NPEPL1: variants seen among roughly 807,000 people sequenced by gnomAD.
The protein encoded by NPEPL1 is probable aminopeptidase NPEPL1.
In NPEPL1, 45 loss-of-function variants were observed where a neutral mutation model predicts 52.4. The ratio of observed to expected loss-of-function variants is 0.86; its 90% CI spans 0.68 to 1.10. NPEPL1 has a LOEUF of 1.10. Ranked by LOEUF, NPEPL1 falls within the 50% of genes least tolerant of loss-of-function variation. NPEPL1 has a pLI of 0.00. For missense variants in NPEPL1, 696 were observed against 710.9 expected, an observed-to-expected ratio of 0.98 and a Z score of 0.24; for synonymous variants, 360 against 314.7, an observed-to-expected ratio of 1.14 and a Z score of -1.52.
intron 6 of NPEPL1, among the ~76,000 whole-genome samples, chr20:58,702,954 G>C (rs548049282): frequency 6.6e-6 from 1 of 152,232 alleles, no homozygotes; most frequent in Non-Finnish European, 1.5e-5. Context: ...TTTGGACACA[G>C]TAACTCCAAG....
chr20:58,694,541 G>C lies in NPEPL1; in HGVS notation c.456G>C (p.Glu152Asp), dbSNP rs771828258. 6.2e-7 allele frequency: 1 copy of C among 1,614,006 alleles called. No individual in the cohort carries two copies. Among genetic ancestry groups the C allele is most frequent in the Non-Finnish European group, 8.5e-7 (1 of 1,179,880 alleles). Reference sequence around the variant, plus strand: ...TGGAGAAGAAGACGGTCACCGTGGAGTTTTTCCTGGTGGGACAAGACAACG... The same window carrying C: ...TGGAGAAGAAGACGGTCACCGTGGACTTTTTCCTGGTGGGACAAGACAACG... ...RRLEKKTVTV[E>D]FFLVGQDNGP... The change falls in exon 3 of 12, where the codon GAG becomes GAC. Residue 152 changes from glutamate (E) to aspartate (D), a missense_variant. Glu to Asp is a conservative substitution (Grantham distance 45, BLOSUM62 2). Transcript: ENST00000356091.
At position 58,693,005 on chromosome 20, in the gene NPEPL1, C is replaced by T; in HGVS notation, c.105C>T (p.Pro35=). ...AGCTGCACCACCTGCACCGCGTGCCCTGGAGCCACGTCCGCGGGAAGCTGC... is the reference window on the plus strand; with the variant it reads ...AGCTGCACCACCTGCACCGCGTGCCTTGGAGCCACGTCCGCGGGAAGCTGC... ...LGQLHHLHRV[P]WSHVRGKLQP... Residue 35 remains proline, a synonymous_variant, in exon 1 of 12, where the codon CCC becomes CCT. Coordinates refer to ENST00000356091, the MANE Select transcript of NPEPL1 (RefSeq NM_024663.4). The T allele has an allele frequency of 8.8e-7, 1 of 1,132,234 alleles. No homozygotes were observed. The highest frequency in any genetic ancestry group is 2.6e-5 in the South Asian group (1 of 38,770). The allele number at this position is 1,132,234 out of a possible 1,614,324, so 70.1% of individuals were successfully genotyped here. A position where few individuals can be genotyped will look rare whatever the true frequency, so the allele number is the denominator to read the frequency against.
intron 3 of NPEPL1, among the ~76,000 whole-genome samples, chr20:58,695,679 T>C (rs1358660824): frequency 6.6e-6 from 1 of 152,240 alleles, no homozygotes; most frequent in African/African-American, 2.4e-5. Flanking sequence ...GTGTGCTCTC[T>C]GAGGCCTGTA....
chr20:58,713,462 G>T lies in NPEPL1; in HGVS notation c.1044G>T (p.Val348=). The T allele has an allele frequency of 6.2e-7, 1 of 1,610,948 alleles. No individual in the cohort carries two copies. The change falls in exon 9 of 12, where the codon GTG becomes GTT. Residue 348 remains valine, a synonymous_variant. Transcript: ENST00000356091. The surrounding 1 kb of genome is among the most constrained non-coding windows in gnomAD (Gnocchi z 4.6). ...ACACGGATGCCGAGGGCAGGCTGGT[G>T]CTGGCAGATGGCGTGTCCTATGCTT... The part of the protein sequence containing the change: ...INNTDAEGRL[V]LADGVSYACK...
rs1222448815 is a variant in NPEPL1, at chr20:58,710,450, C to T, written c.901-2029C>T. Among the ~76,000 whole-genome samples the T allele has an allele frequency of 2.6e-5, 4 of 151,918 alleles. No homozygotes were observed. In the South Asian group the frequency reaches 8.3e-4, roughly 31 times the overall value. ...AAGATGGAAGGGTACGCCAGGAGCT[C>T]GGTGGCCCTGGGCTCTGGGGGTGTT... On this transcript the variant is annotated intron_variant, in intron 7 of 11. Coordinates refer to ENST00000356091, the MANE Select transcript of NPEPL1 (RefSeq NM_024663.4).
intron 6 of NPEPL1, chr20:58,705,499 G>A (rs2084718872): frequency 2.2e-6 from 1 of 456,280 alleles, no homozygotes; most frequent in Non-Finnish European, 4.4e-6. Context: ...TTTTCCCAGA[G>A]GGCACGGAAA....
chr20:58,695,068 G>A (rs796845457), intron 3 of NPEPL1, among the ~76,000 whole-genome samples: 527 of 4,644 alleles, frequency 0.11, no homozygotes, highest in South Asian at 0.14. Context: ...GTGTGCATGA[G>A]TGGTGTGTGT....
chr20:58,711,153 A>G (rs2123145305), intron 7 of NPEPL1: 1 of 110,422 alleles, frequency 9.1e-6, no homozygotes. Context: ...CCAGCAGGCT[A>G]CAGATCCAGA....
At chr20:58,691,725 C>T (rs6128402), upstream of NPEPL1, 269,137 of 622,016 alleles carry the variant, frequency 0.43, 55,168 homozygotes, top group East Asian at 0.52. Context: ...CATTTTTAGG[C>T]TGGTTATGAA....
intron 7 of NPEPL1, chr20:58,711,327 A>G (rs1036594330): frequency 3.9e-5 from 6 of 152,072 alleles, no homozygotes; most frequent in Non-Finnish European, 5.9e-5. Flanking sequence ...GAATGACCAC[A>G]GGAGGCCTCA....
upstream of NPEPL1, chr20:58,691,543 G>A (rs2084343852): frequency 1.5e-6 from 1 of 653,622 alleles, no homozygotes; most frequent in African/African-American, 1.8e-5. Context: ...AGACAGACCT[G>A]GAGCCTGTGG....
chr20:58,702,383 G>A (rs1184138958), intron 6 of NPEPL1, among the ~76,000 whole-genome samples: 1 of 152,220 alleles, frequency 6.6e-6, no homozygotes, highest in East Asian at 1.9e-4. Flanking sequence ...GTCAGCTGCT[G>A]TTCAGGGTGG....
rs371558708 is a variant in NPEPL1, at chr20:58,710,378, TCA to T, written c.901-2098_901-2097del. ...ATTTTTTTGTAAGTTTGAAATTATT[TCA>T]CAGTGAAATGTTTTGAACTTTTTAG... is the stretch of plus-strand genomic sequence containing the variant. On this transcript the variant is annotated intron_variant, in intron 7 of 11. Coordinates refer to ENST00000356091, the MANE Select transcript of NPEPL1 (RefSeq NM_024663.4). Among the ~76,000 whole-genome samples, 1,256 of 152,272 alleles carry T rather than the reference TCA, an allele frequency of 8.2e-3. 18 individuals are homozygous for T. The highest frequency in any genetic ancestry group is 0.01 in the Non-Finnish European group (698 of 68,020).
intron 4 of NPEPL1, among the ~76,000 whole-genome samples, 153 bp downstream of exon 4, chr20:58,698,926 T>C (rs2084551870): frequency 6.6e-6 from 1 of 152,176 alleles, no homozygotes; most frequent in African/African-American, 2.4e-5. Context: ...TCTGCCGGGC[T>C]CCAGGAAGCC....
chr20:58,700,865 G>A, intron 5 of NPEPL1, 151 bp from the exon 6 acceptor site: 1 of 674,384 alleles, frequency 1.5e-6, no homozygotes, highest in Non-Finnish European at 2.3e-6. Flanking sequence ...TCCCACACTG[G>A]CCAGGGGCAG....
chr20:58,713,179 T>C lies in NPEPL1; in HGVS notation c.1002-241T>C. 2.0e-6 allele frequency: 1 copy of C among 495,160 alleles called. No individual in the cohort carries two copies. The highest frequency in any genetic ancestry group is 3.6e-6 in the Non-Finnish European group (1 of 278,606). The allele number at this position is 495,160 out of a possible 1,614,324, so 30.7% of individuals were successfully genotyped here. On this transcript the variant is annotated intron_variant, in intron 8 of 11. Transcript: ENST00000356091. The surrounding 1 kb of genome is among the most constrained non-coding windows in gnomAD (Gnocchi z 4.6). ...GAAACTGAGGCATGGGAGAGCCAAA[T>C]GGCTGGTCTCTGGCTCTCCAGAGCA... is the stretch of plus-strand genomic sequence containing the variant.
intron 7 of NPEPL1, among the ~76,000 whole-genome samples, chr20:58,709,710 TC>T (rs1429587113): frequency 6.6e-6 from 1 of 152,198 alleles, no homozygotes; most frequent in African/African-American, 2.4e-5. Context: ...ACAGAGCATT[TC>T]TGCAGGATTC....
chr20:58,697,082 CTG>C (rs1369483404), intron 3 of NPEPL1, among the ~76,000 whole-genome samples: 1 of 152,244 alleles, frequency 6.6e-6, no homozygotes, highest in Non-Finnish European at 1.5e-5. Context: ...GGGACTGGGA[CTG>C]TGTACTGTGA....
At chr20:58,690,983 C>T, upstream of NPEPL1, 3 of 641,278 alleles carry the variant, frequency 4.7e-6, no homozygotes, top group South Asian at 5.2e-5. Flanking sequence ...GTTCTAACCA[C>T]ACAGGTTTCA....
Sources: gnomAD v4.1 joint callset for allele counts (sites outside exome capture counted in the v4.1 genomes callset) on GRCh38, gnomAD v4.1.1 for gene constraint, Gnocchi (gnomAD v3.1) non-coding constraint, MANE v1.5 for transcripts, NCBI Gene and HGNC (gene_info 2026-07-23, HGNC 2026-07-21) for gene names.